The following PPP1R9A variants were observed in gnomAD, a reference collection of about 807,000 sequenced individuals.
PPP1R9A encodes the protein protein phosphatase 1 regulatory subunit 9A.
In PPP1R9A, 59 loss-of-function variants were observed where a neutral mutation model predicts 141.9. The observed-to-expected ratio is 0.42, with a 90% CI of 0.34 to 0.52. PPP1R9A has a LOEUF of 0.52. Ranked by LOEUF, PPP1R9A falls within the 20% of genes least tolerant of loss-of-function variation. The pLI is 0.10. For missense variants in PPP1R9A, 1,444 were observed against 1,611.9 expected (o/e 0.90, Z 1.78); for synonymous variants, 500 against 569.7 (o/e 0.88, Z 1.74).
At chr7:94,977,201 T>C (rs1799546779) in intron 2 of PPP1R9A, among the ~76,000 whole-genome samples, 1 of 152,136 alleles carries the variant, frequency 6.6e-6, no homozygotes, top group Non-Finnish European at 1.5e-5. Flanking sequence ...AAAGGCAGTT[T>C]AGGGGAGATG....
At chr7:95,090,817 AAAAG>A (rs1352700714) in intron 2 of PPP1R9A, among the ~76,000 whole-genome samples, 1 of 151,998 alleles carries the variant, frequency 6.6e-6, no homozygotes, top group Non-Finnish European at 1.5e-5. Flanking sequence ...CAAAAAAAGA[AAAAG>A]AAAAAAATCA....
chr7:94,965,334 T>C (rs994673108), intron 2 of PPP1R9A, among the ~76,000 whole-genome samples: 3 of 152,214 alleles, frequency 2.0e-5, no homozygotes, highest in African/African-American at 7.2e-5. Context: ...TTAGGTCTCA[T>C]TTATCAATTT....
At chr7:95,267,867 A>C (rs1216144232) in intron 12 of PPP1R9A, among the ~76,000 whole-genome samples, 1 of 152,150 alleles carries the variant, frequency 6.6e-6, no homozygotes, top group Non-Finnish European at 1.5e-5. Context: ...CCACAATACT[A>C]GTAAACTAAG....
chr7:95,072,368 A>G (rs1194457881), intron 2 of PPP1R9A, among the ~76,000 whole-genome samples: 1 of 143,942 alleles, frequency 6.9e-6, no homozygotes, highest in East Asian at 2.0e-4. Flanking sequence ...TAATATTATT[A>G]TTTGTGAGAA....
At position 95,040,284 on chromosome 7, in the gene PPP1R9A, AAC is replaced by A. The variant is rs572101899; in HGVS notation, c.1396-70971_1396-70970del. ...AAAAAAAGTGTATAAGTAAAAATAT[AAC>A]ACAGATTTTAAAGTATCCTAGGGAG... On this transcript the variant is annotated intron_variant, in intron 2 of 19. Coordinates refer to ENST00000433360, the MANE Select transcript of PPP1R9A (RefSeq NM_001166160.2). Among the ~76,000 whole-genome samples, 715 of 152,172 alleles carry A rather than the reference AAC, an allele frequency of 4.7e-3. 6 individuals carry two copies. The highest frequency in any genetic ancestry group is 8.3e-3 in the Non-Finnish European group (563 of 67,988).
At chr7:95,244,942 G>A (rs1007493980) in intron 8 of PPP1R9A, among the ~76,000 whole-genome samples, 8 of 152,142 alleles carry the variant, frequency 5.3e-5, no homozygotes, top group African/African-American at 1.9e-4. Flanking sequence ...AAATGAAAGA[G>A]GTTAAGTAAT....
intron 2 of PPP1R9A, among the ~76,000 whole-genome samples, chr7:95,089,657 A>G (rs967733552): frequency 1.3e-5 from 2 of 151,594 alleles, no homozygotes; most frequent in East Asian, 3.9e-4. Flanking sequence ...TTTCATCCCT[A>G]CTTAGGTAAT....
intron 2 of PPP1R9A, among the ~76,000 whole-genome samples, chr7:95,064,384 C>T (rs761528908): frequency 2.0e-5 from 3 of 152,102 alleles, no homozygotes; most frequent in Non-Finnish European, 2.9e-5. Flanking sequence ...GTATTTTCTC[C>T]GTAAGGCACA....
At chr7:95,228,113 CTT>C (rs144123133) in intron 8 of PPP1R9A, among the ~76,000 whole-genome samples, 3,524 of 152,178 alleles carry the variant, frequency 0.023, 58 homozygotes, top group Middle Eastern at 0.041. Context: ...GTATTAGAGT[CTT>C]TACAAAGTTT....
intron 5 of PPP1R9A, among the ~76,000 whole-genome samples, chr7:95,195,987 A>G (rs527838864): frequency 6.6e-6 from 1 of 152,236 alleles, no homozygotes; most frequent in Non-Finnish European, 1.5e-5. Flanking sequence ...GAGTTCTAGG[A>G]TACAATGAGC....
At chr7:95,203,038 T>C (rs1029983638) in intron 6 of PPP1R9A, among the ~76,000 whole-genome samples, 1 of 152,100 alleles carries the variant, frequency 6.6e-6, no homozygotes, top group Non-Finnish European at 1.5e-5. Context: ...ATAAGAAGGT[T>C]AATCATCACT....
chr7:95,003,347 C>T (rs763749434), intron 2 of PPP1R9A, among the ~76,000 whole-genome samples: 33 of 151,986 alleles, frequency 2.2e-4, no homozygotes, highest in Non-Finnish European at 4.4e-4. Context: ...ATAAAATTTC[C>T]GGGTTCTGTT....
intron 2 of PPP1R9A, among the ~76,000 whole-genome samples, chr7:95,024,642 C>A (rs1272559867): frequency 1.3e-5 from 2 of 151,882 alleles, no homozygotes; most frequent in Non-Finnish European, 2.9e-5. Flanking sequence ...AATATTTCTT[C>A]ATCCCTTTAT....
chr7:94,987,011 T>C (rs1800936546), intron 2 of PPP1R9A, among the ~76,000 whole-genome samples: 1 of 152,180 alleles, frequency 6.6e-6, no homozygotes, highest in South Asian at 2.1e-4. Flanking sequence ...TGGGCCACTT[T>C]TCTCTTATAA....
intron 2 of PPP1R9A, among the ~76,000 whole-genome samples, chr7:94,967,328 T>C (rs1798330546): frequency 6.6e-6 from 1 of 152,308 alleles, no homozygotes; most frequent in Admixed American, 6.5e-5. Flanking sequence ...ATTTCTGCTC[T>C]GATCTTAGGT....
intron 1 of PPP1R9A, 121 bp downstream of exon 1, chr7:94,907,823 C>G (rs1435871505): frequency 6.6e-6 from 1 of 150,826 alleles, no homozygotes; most frequent in South Asian, 2.1e-4. Flanking sequence ...CCGGCCGGCA[C>G]CCCTGGCCCC....
intron 5 of PPP1R9A, among the ~76,000 whole-genome samples, chr7:95,195,595 G>A (rs1260422782): frequency 1.3e-5 from 2 of 151,736 alleles, no homozygotes; most frequent in African/African-American, 4.8e-5. Context: ...TTATAACAAA[G>A]TGATAAATTA....
In PPP1R9A at chr7:95,291,240, G is replaced by GAAC. The variant is rs1806312451; in HGVS notation, c.*939_*941dup. The GAAC allele has an allele frequency of 6.6e-6, 1 of 152,134 alleles. No homozygotes were observed. Among genetic ancestry groups the GAAC allele is most frequent in the African/African-American group, 2.4e-5 (1 of 41,432 alleles). 9.4% of individuals were successfully genotyped at this position (152,134 alleles called of 1,614,324 possible). ...CCATTTTCAGGTTTCCTCTCCTGGG[G>GAAC]AACATTCTGGCTGGTCTTCAGCCTG... On this transcript the variant is annotated 3_prime_UTR_variant, in exon 20 of 20. Transcript: ENST00000433360.
At chr7:95,025,542 TA>T in intron 2 of PPP1R9A, among the ~76,000 whole-genome samples, 1 of 152,260 alleles carries the variant, frequency 6.6e-6, no homozygotes, top group Admixed American at 6.5e-5. Flanking sequence ...ATCTGACGAT[TA>T]TGTGTCTTGC....
Sources: gnomAD v4.1 joint callset for allele counts (sites outside exome capture counted in the v4.1 genomes callset) on GRCh38, gnomAD v4.1.1 for gene constraint, MANE v1.5 for transcripts, NCBI Gene and HGNC (gene_info 2026-07-23, HGNC 2026-07-21) for gene names.